The following PIP4K2A variants were observed in gnomAD, a reference collection of about 807,000 sequenced individuals.
The protein encoded by PIP4K2A is phosphatidylinositol-5-phosphate 4-kinase type 2 alpha, also known as phosphatidylinositol 5-phosphate 4-kinase type-2 alpha.
Under a neutral mutation model 42.9 loss-of-function variants are expected in PIP4K2A, and 14 were observed. That is an observed-to-expected ratio of 0.33 (90% CI 0.22 to 0.51). The LOEUF (loss-of-function observed/expected upper bound fraction) is 0.51, where lower values mean the gene tolerates loss of function less well. Among genes scored for constraint, PIP4K2A ranks in the 20% least tolerant of loss-of-function variants. The pLI, the probability that PIP4K2A is intolerant of heterozygous loss-of-function variation, is 0.97. For synonymous variants in PIP4K2A, 192 were observed against 192.2 expected, an observed-to-expected ratio of 1.00 and a Z score of 0.01; for missense variants, 434 against 519.8, an observed-to-expected ratio of 0.83 and a Z score of 1.61.
rs185679163 is a variant in PIP4K2A, at chr10:22,708,370, G to A, written c.144+5813C>T. 5.9e-5 allele frequency among the ~76,000 whole-genome samples: 9 copies of A among 152,128 alleles called. No individual in the cohort carries two copies. In the East Asian group the frequency reaches 9.7e-4, roughly 16 times the overall value. Reference sequence around the variant, plus strand: ...GTGTCCCCAGTGTCCCTGCTCCTCCGGTGGAGATCTGACTTACCGATTCTG... The same window carrying A: ...GTGTCCCCAGTGTCCCTGCTCCTCCAGTGGAGATCTGACTTACCGATTCTG... On this transcript the variant is annotated intron_variant, in intron 1 of 9. Coordinates refer to ENST00000376573, the MANE Select transcript of PIP4K2A (RefSeq NM_005028.5).
At chr10:22,687,946 G>C (rs1181636441) in intron 1 of PIP4K2A, among the ~76,000 whole-genome samples, 2 of 152,138 alleles carry the variant, frequency 1.3e-5, no homozygotes, top group Admixed American at 1.3e-4. Context: ...CTTCACTATA[G>C]TCACTATTAT....
intron 4 of PIP4K2A, among the ~76,000 whole-genome samples, chr10:22,584,739 G>A (rs1837354059): frequency 6.6e-6 from 1 of 152,204 alleles, no homozygotes; most frequent in South Asian, 2.1e-4. Flanking sequence ...AGAGAAGCAA[G>A]ACGTGTCCGC....
intron 9 of PIP4K2A, among the ~76,000 whole-genome samples, chr10:22,538,723 A>G (rs1836003699): frequency 6.6e-6 from 1 of 152,012 alleles, no homozygotes; most frequent in African/African-American, 2.4e-5. Context: ...CCTGGTGCGG[A>G]TGTTTGTTTA....
At chr10:22,664,060 T>TATACACACACACACAC (rs570101374) in intron 1 of PIP4K2A, among the ~76,000 whole-genome samples, 3 of 83,098 alleles carry the variant, frequency 3.6e-5, no homozygotes, top group Non-Finnish European at 6.4e-5. Context: ...TATGTATATA[T>TATACACACACACACAC]ACATATATAT....
At chr10:22,553,221 T>C (rs899280201) in intron 6 of PIP4K2A, among the ~76,000 whole-genome samples, 1 of 152,178 alleles carries the variant, frequency 6.6e-6, no homozygotes, top group Non-Finnish European at 1.5e-5. Context: ...CGAAGGCGGA[T>C]CCTGGCAGGG....
At chr10:22,604,117 T>C (rs1237813215) in intron 3 of PIP4K2A, among the ~76,000 whole-genome samples, 1 of 152,196 alleles carries the variant, frequency 6.6e-6, no homozygotes, top group Non-Finnish European at 1.5e-5. Context: ...TTTGAATTTG[T>C]CTTTAACAAC....
At chr10:22,574,443 TG>T (rs374085844) in intron 4 of PIP4K2A, among the ~76,000 whole-genome samples, 60 of 76,722 alleles carry the variant, frequency 7.8e-4, no homozygotes, top group South Asian at 1.3e-3. Context: ...TTTCATTTTC[TG>T]TTTTTTTTTT....
chr10:22,587,054 T>C (rs549899124), intron 4 of PIP4K2A, among the ~76,000 whole-genome samples: 1 of 152,278 alleles, frequency 6.6e-6, no homozygotes, highest in South Asian at 2.1e-4. Flanking sequence ...TTGAACCACC[T>C]GCCATCCCAG....
intron 1 of PIP4K2A, among the ~76,000 whole-genome samples, chr10:22,704,107 T>G (rs1392613552): frequency 1.3e-5 from 2 of 152,118 alleles, no homozygotes; most frequent in East Asian, 3.8e-4. Context: ...AAGTTAAAAA[T>G]TTCTCAATCA....
At chr10:22,633,662 C>T (rs7072792) in intron 1 of PIP4K2A, among the ~76,000 whole-genome samples, 1,781 of 152,230 alleles carry the variant, frequency 0.012, 48 homozygotes, top group African/African-American at 0.041. Flanking sequence ...CCTTCTCACC[C>T]GGACCGTCAT....
intron 3 of PIP4K2A, among the ~76,000 whole-genome samples, chr10:22,596,043 T>C (rs1260386770): frequency 6.6e-6 from 1 of 150,384 alleles, no homozygotes; most frequent in African/African-American, 2.5e-5. Flanking sequence ...CCGTCTCTAC[T>C]AAAAATACAA....
chr10:22,685,187 A>G (rs923263242), intron 1 of PIP4K2A, among the ~76,000 whole-genome samples: 2 of 152,306 alleles, frequency 1.3e-5, no homozygotes, highest in Non-Finnish European at 1.5e-5. Context: ...ATTACACAGC[A>G]TAAGAGATTA....
At chr10:22,701,792 T>G (rs1833720744) in intron 1 of PIP4K2A, among the ~76,000 whole-genome samples, 1 of 152,170 alleles carries the variant, frequency 6.6e-6, no homozygotes. Context: ...CCTGTCAAGA[T>G]CTTAGTGAAA....
chr10:22,542,110 G>C, intron 7 of PIP4K2A, 63 bp from the exon 8 acceptor site: 1 of 1,469,488 alleles, frequency 6.8e-7, no homozygotes, highest in Non-Finnish European at 9.3e-7. Flanking sequence ...ACATTTAAAG[G>C]AGACAAGCTC....
intron 1 of PIP4K2A, among the ~76,000 whole-genome samples, chr10:22,640,799 G>C (rs914758038): frequency 6.6e-6 from 1 of 152,184 alleles, no homozygotes. Flanking sequence ...ATAAAGTGCG[G>C]ATGAAACAGA....
intron 8 of PIP4K2A, among the ~76,000 whole-genome samples, chr10:22,540,501 C>T (rs1381852822): frequency 1.3e-5 from 2 of 152,036 alleles, no homozygotes; most frequent in African/African-American, 4.8e-5. Context: ...TAGAACTGTT[C>T]ATAATTCTCA....
intron 3 of PIP4K2A, among the ~76,000 whole-genome samples, chr10:22,601,018 G>C (rs1014663140): frequency 1.3e-5 from 2 of 151,154 alleles, no homozygotes; most frequent in African/African-American, 4.9e-5. Context: ...GAAAGCAACA[G>C]AGTTGCAGAA....
chr10:22,563,539 T>C (rs1464489903), intron 6 of PIP4K2A, among the ~76,000 whole-genome samples: 3 of 152,202 alleles, frequency 2.0e-5, no homozygotes, highest in African/African-American at 4.8e-5. Flanking sequence ...TGAAACAATG[T>C]TTTTGTCAAT....
chr10:22,672,761 G>C (rs1219889250), intron 1 of PIP4K2A, among the ~76,000 whole-genome samples: 1 of 152,180 alleles, frequency 6.6e-6, no homozygotes, highest in Non-Finnish European at 1.5e-5. Context: ...TAACTCACAT[G>C]AGTCACACCA....
Sources: gnomAD v4.1 joint callset for allele counts (sites outside exome capture counted in the v4.1 genomes callset) on GRCh38, gnomAD v4.1.1 for gene constraint, MANE v1.5 for transcripts, NCBI Gene and HGNC (gene_info 2026-07-23, HGNC 2026-07-21) for gene names.